Variants in NKAIN2 observed in about 807,000 individuals in gnomAD.
The protein encoded by NKAIN2 is sodium/potassium transporting ATPase interacting 2, also known as sodium/potassium-transporting ATPase subunit beta-1-interacting protein 2.
In NKAIN2, 14 loss-of-function variants were observed where a neutral mutation model predicts 32.6. The observed-to-expected ratio is 0.43, with a 90% CI of 0.28 to 0.67. The LOEUF is 0.67. NKAIN2 is among the 30% of genes least tolerant of loss of function. NKAIN2 has a pLI of 0.17. For missense variants in NKAIN2, 198 were observed against 258.3 expected, an observed-to-expected ratio of 0.77 and a Z score of 1.60; for synonymous variants, 80 against 87.2, an observed-to-expected ratio of 0.92 and a Z score of 0.46.
At chr6:124,352,880 A>G (rs1798793950) in intron 2 of NKAIN2, among the ~76,000 whole-genome samples, 1 of 152,124 alleles carries the variant, frequency 6.6e-6, no homozygotes, top group Non-Finnish European at 1.5e-5. Flanking sequence ...GAGCTTCTCA[A>G]ATTCCATATT....
At chr6:124,140,863 C>T (rs1398092360) in intron 1 of NKAIN2, among the ~76,000 whole-genome samples, 1 of 152,184 alleles carries the variant, frequency 6.6e-6, no homozygotes, top group East Asian at 1.9e-4. Flanking sequence ...CTAACTCGAC[C>T]CCAATCATCA....
intron 1 of NKAIN2, among the ~76,000 whole-genome samples, chr6:123,922,354 T>G (rs1046348462): frequency 2.6e-5 from 4 of 152,236 alleles, no homozygotes; most frequent in African/African-American, 9.6e-5. Flanking sequence ...TTCATCTGTA[T>G]GTGCTGTGAA....
At chr6:123,839,989 T>G (rs1021579386) in intron 1 of NKAIN2, among the ~76,000 whole-genome samples, 5 of 152,130 alleles carry the variant, frequency 3.3e-5, no homozygotes, top group African/African-American at 9.6e-5. Flanking sequence ...AAAAATAAAT[T>G]GATTTCTAAC....
chr6:123,945,328 A>T (rs1777015182), intron 1 of NKAIN2, among the ~76,000 whole-genome samples: 1 of 152,098 alleles, frequency 6.6e-6, no homozygotes, highest in Non-Finnish European at 1.5e-5. Flanking sequence ...CTTATGAAGG[A>T]TGTGGTATAT....
At chr6:124,523,546 G>A (rs182554326) in intron 3 of NKAIN2, among the ~76,000 whole-genome samples, 8 of 151,918 alleles carry the variant, frequency 5.3e-5, no homozygotes, top group Admixed American at 2.0e-4. Context: ...AGACACAATG[G>A]CATCTTATCA....
At chr6:124,129,516 A>T (rs1474899502) in intron 1 of NKAIN2, among the ~76,000 whole-genome samples, 2 of 152,186 alleles carry the variant, frequency 1.3e-5, no homozygotes, top group Non-Finnish European at 2.9e-5. Flanking sequence ...ACACATTTAT[A>T]TCACCCCCCT....
chr6:124,524,534 A>C (rs938969470), intron 3 of NKAIN2, among the ~76,000 whole-genome samples: 1 of 152,162 alleles, frequency 6.6e-6, no homozygotes, highest in Non-Finnish European at 1.5e-5. Flanking sequence ...AGCTACTAAT[A>C]TATGTTTTCC....
At chr6:124,329,185 G>C (rs1797550191) in intron 2 of NKAIN2, among the ~76,000 whole-genome samples, 1 of 151,454 alleles carries the variant, frequency 6.6e-6, no homozygotes, top group African/African-American at 2.5e-5. Context: ...CAATCCCAAG[G>C]GGTCTATGCC....
At position 124,823,380 on chromosome 6, in the gene NKAIN2, ACACACACACACACACACACGTGAG is replaced by A. The variant is rs1781471113; in HGVS notation, c.*155_*178del. 3 of 41,630 alleles carry A rather than the reference ACACACACACACACACACACGTGAG, an allele frequency of 7.2e-5. No homozygotes were observed. The highest frequency in any genetic ancestry group is 2.5e-4 in the Admixed American group (1 of 3,930). The allele number at this position is 41,630 out of a possible 1,614,324, so 2.6% of individuals were successfully genotyped here. Reference sequence around the variant, plus strand: ...TGCAAAGCCTCTACATACAACACTGACACACACACACACACACACGTGAGCACGCACACACCAATTCCACTTGAC... The same window carrying A: ...TGCAAAGCCTCTACATACAACACTGACACGCACACACCAATTCCACTTGAC... On this transcript the variant is annotated 3_prime_UTR_variant, in exon 7 of 7. Coordinates refer to ENST00000368417, the MANE Select transcript of NKAIN2 (RefSeq NM_001040214.3).
chr6:124,327,700 T>C (rs1422214739), intron 2 of NKAIN2, among the ~76,000 whole-genome samples: 1 of 152,140 alleles, frequency 6.6e-6, no homozygotes, highest in Non-Finnish European at 1.5e-5. Flanking sequence ...ATAGCCATTA[T>C]TTTTTTAAAT....
At chr6:124,670,719 C>T (rs558539466) in intron 4 of NKAIN2, among the ~76,000 whole-genome samples, 1 of 150,186 alleles carries the variant, frequency 6.7e-6, no homozygotes, top group African/African-American at 2.5e-5. Context: ...CATATGCTTA[C>T]AGATGTTAAT....
intron 3 of NKAIN2, among the ~76,000 whole-genome samples, chr6:124,396,677 T>G (rs1773397230): frequency 6.6e-6 from 1 of 152,104 alleles, no homozygotes; most frequent in Non-Finnish European, 1.5e-5. Context: ...TCATTAAGAA[T>G]GTGTATAGAT....
intron 4 of NKAIN2, among the ~76,000 whole-genome samples, chr6:124,666,072 T>C (rs1406326963): frequency 6.6e-6 from 1 of 152,192 alleles, no homozygotes; most frequent in East Asian, 1.9e-4. Context: ...GGTGGTTCAA[T>C]AGCTTTGTTA....
intron 3 of NKAIN2, among the ~76,000 whole-genome samples, chr6:124,373,522 G>A (rs906971770): frequency 2.0e-5 from 3 of 152,102 alleles, no homozygotes; most frequent in Non-Finnish European, 2.9e-5. Flanking sequence ...GAGATTAAAG[G>A]CACATGAAAG....
chr6:123,893,340 G>T (rs570836027), intron 1 of NKAIN2, among the ~76,000 whole-genome samples: 34 of 152,212 alleles, frequency 2.2e-4, no homozygotes, highest in African/African-American at 7.9e-4. Context: ...AGCTAGGACT[G>T]CAGGTTCTTG....
chr6:123,851,753 G>A lies in NKAIN2; in HGVS notation c.54+47499G>A, dbSNP rs554224614. Among the ~76,000 whole-genome samples the A allele has an allele frequency of 2.3e-3, 346 of 152,160 alleles. 1 individual carries two copies. Among genetic ancestry groups the A allele is most frequent in the Non-Finnish European group, 4.0e-3 (269 of 68,016 alleles). On this transcript the variant is annotated intron_variant, in intron 1 of 6. Transcript: ENST00000368417. ...TGGCCATTTGTACGTCATCTTTTGCGAAATGTCTATTCAAGCCCTTTGCCT... is the reference window on the plus strand; with the variant it reads ...TGGCCATTTGTACGTCATCTTTTGCAAAATGTCTATTCAAGCCCTTTGCCT...
intron 3 of NKAIN2, among the ~76,000 whole-genome samples, chr6:124,473,148 A>G (rs1777044065): frequency 1.3e-5 from 2 of 152,198 alleles, no homozygotes; most frequent in Non-Finnish European, 2.9e-5. Flanking sequence ...AATTTGTACT[A>G]AAAAGGACCA....
intron 3 of NKAIN2, among the ~76,000 whole-genome samples, chr6:124,644,589 A>G (rs1171891307): frequency 6.6e-6 from 1 of 152,064 alleles, no homozygotes; most frequent in African/African-American, 2.4e-5. Context: ...TATATTTAGT[A>G]GAGACGGGGT....
chr6:124,540,905 T>C (rs1253074811), intron 3 of NKAIN2, among the ~76,000 whole-genome samples: 3 of 152,184 alleles, frequency 2.0e-5, no homozygotes, highest in Admixed American at 6.5e-5. Context: ...TAAACTATGG[T>C]GTTTGGTAGG....
Sources: gnomAD v4.1 joint callset for allele counts (sites outside exome capture counted in the v4.1 genomes callset) on GRCh38, gnomAD v4.1.1 for gene constraint, MANE v1.5 for transcripts, NCBI Gene and HGNC (gene_info 2026-07-23, HGNC 2026-07-21) for gene names.